Variants in CCDC178 observed in about 807,000 individuals in gnomAD.
CCDC178 encodes coiled-coil domain containing 178.
Under a neutral mutation model 117.4 loss-of-function variants are expected in CCDC178, and 126 were observed. That is an observed-to-expected ratio of 1.07 (90% CI 0.93 to 1.24). The LOEUF (loss-of-function observed/expected upper bound fraction) is 1.24, where lower values mean the gene tolerates loss of function less well. Among genes scored for constraint, CCDC178 ranks in the 50% most tolerant of loss-of-function variants. The probability of loss-of-function intolerance (pLI) is 0.00; values close to 1 mark genes in which losing one functional copy is unlikely to be tolerated. For synonymous variants in CCDC178, 283 were observed against 313.4 expected, an observed-to-expected ratio of 0.90 and a Z score of 1.02; for missense variants, 1,030 against 986.9, an observed-to-expected ratio of 1.04 and a Z score of -0.59.
At chr18:33,163,467 T>C (rs1418097792) in intron 20 of CCDC178, among the ~76,000 whole-genome samples, 2 of 152,136 alleles carry the variant, frequency 1.3e-5, no homozygotes, top group Non-Finnish European at 2.9e-5. Flanking sequence ...GGCCCTAGTA[T>C]AAATGATGGA....
intron 21 of CCDC178, among the ~76,000 whole-genome samples, chr18:32,975,770 A>C (rs2055016943): frequency 6.6e-6 from 1 of 152,138 alleles, no homozygotes; most frequent in African/African-American, 2.4e-5. Flanking sequence ...TATAATATCA[A>C]ACACAATTTT....
intron 20 of CCDC178, among the ~76,000 whole-genome samples, chr18:33,185,969 C>A (rs933022411): frequency 2.0e-5 from 3 of 151,998 alleles, no homozygotes; most frequent in Non-Finnish European, 4.4e-5. Context: ...CCAACTGCAA[C>A]AACAAATCTC....
intron 5 of CCDC178, among the ~76,000 whole-genome samples, chr18:33,373,585 C>T (rs761880673): frequency 7.2e-5 from 11 of 152,116 alleles, no homozygotes; most frequent in South Asian, 2.1e-4. Context: ...CTTGCCTGTG[C>T]GGAATACTCA....
intron 3 of CCDC178, 147 bp from the exon 4 acceptor site, chr18:33,397,355 G>A (rs1215491701): frequency 6.4e-6 from 3 of 468,518 alleles, no homozygotes; most frequent in African/African-American, 4.0e-5. Flanking sequence ...GGCTGAAGGG[G>A]TAAGTAGGAG....
In CCDC178 at chr18:33,412,094, T is replaced by C. The variant is rs1286000502; in HGVS notation, c.-6A>G. On this transcript the variant is annotated 5_prime_UTR_variant, in exon 3 of 23. Coordinates refer to ENST00000383096, the MANE Select transcript of CCDC178 (RefSeq NM_001105528.4). ...ACTGTCTTGTTTTCAGTCATAGTTA[T>C]AAGAATATTTTAAAACCTAATTAGA... 2 of 1,405,028 alleles carry C rather than the reference T, an allele frequency of 1.4e-6. No individual in the cohort carries two copies. The highest frequency in any genetic ancestry group is 1.8e-5 in the Admixed American group (1 of 55,596). 87.0% of individuals were successfully genotyped at this position (1,405,028 alleles called of 1,614,324 possible). A position where few individuals can be genotyped will look rare whatever the true frequency, so the allele number is the denominator to read the frequency against.
At chr18:33,172,474 A>G (rs562612780) in intron 20 of CCDC178, among the ~76,000 whole-genome samples, 1 of 152,224 alleles carries the variant, frequency 6.6e-6, no homozygotes, top group Non-Finnish European at 1.5e-5. Context: ...AATCAAAGCT[A>G]TAATAATCAT....
At chr18:32,973,292 T>TGTTAACTGTAGTTACC (rs2054966697) in intron 22 of CCDC178, among the ~76,000 whole-genome samples, 1 of 152,142 alleles carries the variant, frequency 6.6e-6, no homozygotes, top group Non-Finnish European at 1.5e-5. Context: ...TATAGATTTT[T>TGTTAACTGTAGTTACC]CTAAGATACT....
At chr18:33,374,348 T>C (rs906972814) in intron 5 of CCDC178, among the ~76,000 whole-genome samples, 7 of 152,138 alleles carry the variant, frequency 4.6e-5, no homozygotes, top group Admixed American at 3.9e-4. Context: ...CAAAAGACAA[T>C]ATACAAATGA....
intron 6 of CCDC178, among the ~76,000 whole-genome samples, chr18:33,364,732 CT>C (rs34988094): frequency 1.5e-3 from 168 of 110,784 alleles, no homozygotes; most frequent in African/African-American, 2.9e-3. Flanking sequence ...GTTGTCGCTC[CT>C]TTTTTTTTTT....
intron 21 of CCDC178, among the ~76,000 whole-genome samples, chr18:33,069,448 T>C (rs371320056): frequency 3.9e-5 from 6 of 152,112 alleles, no homozygotes; most frequent in East Asian, 1.9e-4. Flanking sequence ...CTTCAATAAA[T>C]AGTGCTGGGA....
At chr18:32,971,083 G>A (rs2144685615) in intron 22 of CCDC178, among the ~76,000 whole-genome samples, 1 of 152,038 alleles carries the variant, frequency 6.6e-6, no homozygotes. Context: ...GTATATATGT[G>A]CCATGGTGGT....
chr18:33,280,499 T>C (rs999698931), intron 12 of CCDC178, among the ~76,000 whole-genome samples: 1 of 151,742 alleles, frequency 6.6e-6, no homozygotes, highest in Non-Finnish European at 1.5e-5. Flanking sequence ...TTTTACACTG[T>C]TGGTGGGACT....
chr18:33,321,535 C>A (rs185796265), intron 11 of CCDC178, among the ~76,000 whole-genome samples: 131 of 152,100 alleles, frequency 8.6e-4, no homozygotes, highest in Non-Finnish European at 1.7e-3. Flanking sequence ...ATATTTAATT[C>A]AGAAGAAATG....
chr18:32,944,398 T>C (rs897427302), intron 22 of CCDC178, among the ~76,000 whole-genome samples: 3 of 152,160 alleles, frequency 2.0e-5, no homozygotes, highest in Non-Finnish European at 4.4e-5. Context: ...AAATAGATGA[T>C]GACAGATACT....
chr18:33,232,241 GGA>G (rs1424703326), intron 15 of CCDC178, among the ~76,000 whole-genome samples: 1 of 152,074 alleles, frequency 6.6e-6, no homozygotes, highest in Non-Finnish European at 1.5e-5. Flanking sequence ...CTACACTGCT[GGA>G]ATAGATTCCT....
At chr18:33,118,867 A>G (rs2057895732) in intron 20 of CCDC178, among the ~76,000 whole-genome samples, 1 of 152,200 alleles carries the variant, frequency 6.6e-6, no homozygotes, top group Admixed American at 6.5e-5. Flanking sequence ...AACAGAGCAG[A>G]GCCCTCAGAA....
At chr18:32,954,055 C>G (rs978365730) in intron 22 of CCDC178, 5 of 152,026 alleles carry the variant, frequency 3.3e-5, no homozygotes, top group Admixed American at 2.6e-4. Flanking sequence ...TACGGTGTCC[C>G]TACTTGCCTT....
At chr18:33,238,197 G>C (rs2059447944) in intron 15 of CCDC178, among the ~76,000 whole-genome samples, 1 of 152,036 alleles carries the variant, frequency 6.6e-6, no homozygotes, top group African/African-American at 2.4e-5. Context: ...AGAGCCAACT[G>C]TCCCACCAGA....
chr18:33,401,859 A>G lies in CCDC178; in HGVS notation c.59-4651T>C, dbSNP rs530666857. On this transcript the variant is annotated intron_variant, in intron 3 of 22. Coordinates refer to ENST00000383096, the MANE Select transcript of CCDC178 (RefSeq NM_001105528.4). ...TTAACAATCCATCATCAGAAGGTCC[A>G]AATGAGAGAAGATTAAATAATTAAA... is the stretch of plus-strand genomic sequence containing the variant. Among the ~76,000 whole-genome samples the G allele has an allele frequency of 5.3e-4, 80 of 152,220 alleles. No homozygotes were observed. The East Asian group carries it at 8.1e-3, about 15-fold the overall frequency.
Sources: allele counts gnomAD v4.1 joint callset (sites outside exome capture counted in the v4.1 genomes callset), GRCh38; gene constraint gnomAD v4.1.1; transcripts MANE v1.5; gene names NCBI Gene and HGNC (gene_info 2026-07-23, HGNC 2026-07-21).